AFF1: variants seen among roughly 807,000 people sequenced by gnomAD.
The protein encoded by AFF1 is AF4/FMR2 family member 1.
In AFF1, 48 loss-of-function variants were observed where a neutral mutation model predicts 121.7. The ratio of observed to expected loss-of-function variants is 0.39; its 90% CI spans 0.31 to 0.50. AFF1 has a LOEUF of 0.50. Ranked by LOEUF, AFF1 falls within the 20% of genes least tolerant of loss-of-function variation. AFF1 has a pLI of 0.76. For synonymous variants in AFF1, 613 were observed against 563.0 expected, an observed-to-expected ratio of 1.09 and a Z score of -1.26; for missense variants, 1,523 against 1,511.7, an observed-to-expected ratio of 1.01 and a Z score of -0.12.
chr4:86,984,446 C>T (rs1307928428), intron 2 of AFF1, among the ~76,000 whole-genome samples: 1 of 151,788 alleles, frequency 6.6e-6, no homozygotes, highest in African/African-American at 2.4e-5. Context: ...GCTTCAGCCT[C>T]CCGAGTAGCT....
In AFF1 at chr4:87,139,492, A is replaced by G. The variant is rs1205350088; in HGVS notation, c.*3791A>G. ...ACACTCTTTGCCACTGATTAGCAGT[A>G]TTTAAATCTTGCAAGAATATTTTGT... On this transcript the variant is annotated 3_prime_UTR_variant, in exon 21 of 21. Coordinates refer to ENST00000395146, the MANE Select transcript of AFF1 (RefSeq NM_001166693.3). 2.6e-5 allele frequency: 6 copies of G among 231,760 alleles called. No individual in the cohort carries two copies. The highest frequency in any genetic ancestry group is 5.1e-5 in the Non-Finnish European group (6 of 116,950). 14.4% of individuals were successfully genotyped at this position (231,760 alleles called of 1,614,324 possible).
At chr4:87,093,012 G>A (rs1010826079) in intron 7 of AFF1, among the ~76,000 whole-genome samples, 15 of 152,144 alleles carry the variant, frequency 9.9e-5, no homozygotes, top group African/African-American at 3.4e-4. Flanking sequence ...TGTCTTTCAC[G>A]GGGTTGCTCA....
intron 2 of AFF1, among the ~76,000 whole-genome samples, chr4:86,964,130 T>G (rs1236640732): frequency 1.4e-5 from 2 of 138,234 alleles, no homozygotes; most frequent in Non-Finnish European, 3.1e-5. Flanking sequence ...TTCTTTTGGT[T>G]TTTTTTTTTT....
intron 19 of AFF1, among the ~76,000 whole-genome samples, chr4:87,133,746 C>T (rs1300108525): frequency 3.3e-5 from 5 of 152,202 alleles, no homozygotes; most frequent in Admixed American, 6.5e-5. Context: ...AGGCTACTGC[C>T]GCTGAACCAT....
intron 1 of AFF1, 62 bp from the exon 2 acceptor site, chr4:86,948,436 T>A (rs1168083146): frequency 8.9e-7 from 1 of 1,127,220 alleles, no homozygotes; most frequent in Non-Finnish European, 1.3e-6. Context: ...TTACAGGTCA[T>A]GCGTATCCCT....
intron 2 of AFF1, among the ~76,000 whole-genome samples, chr4:86,986,097 G>A (rs1007093698): frequency 1.4e-5 from 2 of 139,698 alleles, no homozygotes; most frequent in East Asian, 2.0e-4. Context: ...ATTGGAGACC[G>A]AATCTCACTC....
chr4:86,972,870 C>T (rs1163060691), intron 2 of AFF1, among the ~76,000 whole-genome samples: 1 of 152,132 alleles, frequency 6.6e-6, no homozygotes, highest in Admixed American at 6.6e-5. Flanking sequence ...CCACTGCTTT[C>T]GTTTTTTACC....
intron 1 of AFF1, 38 bp from the exon 2 acceptor site, chr4:86,948,460 G>T: frequency 7.2e-7 from 1 of 1,396,860 alleles, no homozygotes; most frequent in African/African-American, 1.4e-5. Flanking sequence ...TTTACTCACA[G>T]GCTAATGTTC....
intron 4 of AFF1, among the ~76,000 whole-genome samples, chr4:87,048,432 A>G (rs917327185): frequency 6.6e-5 from 10 of 152,210 alleles, no homozygotes; most frequent in Admixed American, 1.3e-4. Context: ...AGTGGTACCA[A>G]TTTCTCCAAA....
intron 4 of AFF1, among the ~76,000 whole-genome samples, chr4:87,064,464 A>G (rs1578175931): frequency 6.6e-6 from 1 of 152,254 alleles, no homozygotes; most frequent in East Asian, 1.9e-4. Flanking sequence ...TATGGAGGCC[A>G]GGCACAGTGG....
At position 87,134,457 on chromosome 4, in the gene AFF1, C is replaced by T. The variant is rs1401035605; in HGVS notation, c.3312-14C>T. 6.3e-7 allele frequency: 1 copy of T among 1,575,110 alleles called. No individual in the cohort carries two copies. The highest frequency in any genetic ancestry group is 8.6e-7 in the Non-Finnish European group (1 of 1,162,018). On this transcript the variant is annotated splice_polypyrimidine_tract_variant and intron_variant, in intron 19 of 20. Coordinates refer to ENST00000395146, the MANE Select transcript of AFF1 (RefSeq NM_001166693.3). Reference sequence around the variant, plus strand: ...GACTGACTGATCAGTTATCTCTTCTCTTCCACCTCCCAGAAGCACAGGCAC... The same window carrying T: ...GACTGACTGATCAGTTATCTCTTCTTTTCCACCTCCCAGAAGCACAGGCAC...
intron 1 of AFF1, among the ~76,000 whole-genome samples, chr4:86,938,451 A>C (rs1438576910): frequency 1.8e-5 from 1 of 55,388 alleles, no homozygotes; most frequent in Non-Finnish European, 3.7e-5. Flanking sequence ...CTCCGTCTCA[A>C]AAAAAAAAAA....
chr4:87,019,654 C>G (rs968451827), intron 2 of AFF1, among the ~76,000 whole-genome samples: 3 of 152,204 alleles, frequency 2.0e-5, no homozygotes, highest in Admixed American at 2.0e-4. Flanking sequence ...GTGGTGTGCC[C>G]AGGGAGGGCA....
At position 87,114,488 on chromosome 4, in the gene AFF1, A is replaced by G; in HGVS notation, c.1655A>G (p.Lys552Arg). 5.0e-6 allele frequency: 8 copies of G among 1,613,714 alleles called. No homozygotes were observed. The highest frequency in any genetic ancestry group is 5.9e-6 in the Non-Finnish European group (7 of 1,179,972). ...CCCCCACGGCGGCACCCAGAGAGTA[A>G]GGGCAGCAGCGACAGTGCCACGAGT... ...TEPPRRHPES[K>R]GSSDSATSQE... The change falls in exon 12 of 21, where the codon AAG becomes AGG. Residue 552 changes from lysine (K) to arginine (R), a missense_variant. Around this residue, in one of 5 missense-constraint regions of AFF1, gnomAD observed 905 missense variants for 842.5 expected, o/e 1.07. Transcript: ENST00000395146.
chr4:87,049,740 C>T (rs927449439), intron 4 of AFF1: 1 of 456,058 alleles, frequency 2.2e-6, no homozygotes, highest in African/African-American at 2.0e-5. Context: ...TACCAACTGC[C>T]TGGGAGCCCC....
chr4:87,094,044 A>G (rs77155879), intron 7 of AFF1, among the ~76,000 whole-genome samples: 3,049 of 152,132 alleles, frequency 0.02, 109 homozygotes, highest in African/African-American at 0.07. Context: ...CCTGGCCTTC[A>G]GAGCCCTCTG....
chr4:86,999,129 T>C (rs1725491096), intron 2 of AFF1, among the ~76,000 whole-genome samples: 1 of 152,182 alleles, frequency 6.6e-6, no homozygotes, highest in African/African-American at 2.4e-5. Context: ...GTGTTTGCTA[T>C]TCAACAAATT....
At chr4:87,032,022 A>G (rs1422954470) in intron 2 of AFF1, among the ~76,000 whole-genome samples, 2 of 152,234 alleles carry the variant, frequency 1.3e-5, no homozygotes. Context: ...TATTCTGCAT[A>G]TAAATGTTGA....
intron 12 of AFF1, among the ~76,000 whole-genome samples, chr4:87,122,881 T>TTA (rs1381944812): frequency 4.1e-5 from 4 of 96,642 alleles, no homozygotes; most frequent in East Asian, 6.7e-4. Flanking sequence ...GGAAAATTAG[T>TTA]AAAAAAAAAA....
Sources: gnomAD v4.1 joint callset for allele counts (sites outside exome capture counted in the v4.1 genomes callset) on GRCh38, gnomAD v4.1.1 for gene constraint, gnomAD v4.1.1 regional missense constraint, MANE v1.5 for transcripts, NCBI Gene and HGNC (gene_info 2026-07-23, HGNC 2026-07-21) for gene names.